POU2F2: variants seen among roughly 807,000 people sequenced by gnomAD.
POU2F2 encodes the protein POU class 2 homeobox 2, also known as POU domain, class 2, transcription factor 2.
A neutral mutation model predicts 63.5 loss-of-function variants in POU2F2; 14 were observed. The observed-to-expected ratio is 0.22, with a 90% CI of 0.15 to 0.34. The LOEUF (loss-of-function observed/expected upper bound fraction) is 0.34. Among genes scored for constraint, POU2F2 ranks in the 10% least tolerant of loss-of-function variants. POU2F2 has a pLI of 1.00. For synonymous variants in POU2F2, 306 were observed against 348.6 expected (o/e 0.88, Z 1.36); for missense variants, 607 against 815.2 (o/e 0.74, Z 3.11).
chr19:42,192,434 G>A (rs867534873), intron 1 of POU2F2, among the ~76,000 whole-genome samples: 1 of 152,266 alleles, frequency 6.6e-6, no homozygotes, highest in Middle Eastern at 3.4e-3. Context: ...TATCAAGGGT[G>A]GGGTTGGATC....
chr19:42,161,333 G>A (rs925012781), intron 1 of POU2F2, among the ~76,000 whole-genome samples: 4 of 152,132 alleles, frequency 2.6e-5, no homozygotes, highest in South Asian at 2.1e-4. Context: ...CAAGTGCCTG[G>A]TCCAAGCAGC....
intron 2 of POU2F2, among the ~76,000 whole-genome samples, chr19:42,139,215 G>A (rs1314808980): frequency 6.6e-6 from 1 of 152,184 alleles, no homozygotes; most frequent in Non-Finnish European, 1.5e-5. Context: ...AGCTACTTGA[G>A]AAACTGAGGC....
chr19:42,177,815 G>C (rs1219973121), upstream of POU2F2, among the ~76,000 whole-genome samples: 1 of 152,084 alleles, frequency 6.6e-6, no homozygotes, highest in Non-Finnish European at 1.5e-5. Context: ...GAGACACCCA[G>C]AGATAGAGAC....
chr19:42,087,087 T>G lies in POU2F2; in HGVS notation c.*4170A>C, dbSNP rs900935680. On this transcript the variant is annotated 3_prime_UTR_variant, in exon 15 of 15. Transcript: ENST00000692977. ...ATTTTTTTTTATTTTTATTTTTAAT[T>G]TTTTTTCACTTTTTTTCCAACATAT... 2 of 151,450 alleles carry G rather than the reference T, an allele frequency of 1.3e-5. No homozygotes were observed. The highest frequency in any genetic ancestry group is 4.8e-5 in the African/African-American group (2 of 41,364). 9.4% of individuals were successfully genotyped at this position (151,450 alleles called of 1,614,324 possible).
At chr19:42,177,332 C>G (rs905408618), upstream of POU2F2, 1 of 152,994 alleles carries the variant, frequency 6.5e-6, no homozygotes, top group African/African-American at 2.4e-5. Context: ...CCTGAGCTGC[C>G]GGCGCGAGCC....
chr19:42,136,032 C>T (rs934405074), upstream of POU2F2, among the ~76,000 whole-genome samples: 1 of 151,794 alleles, frequency 6.6e-6, no homozygotes, highest in Non-Finnish European at 1.5e-5. Context: ...CTGCTTTGCC[C>T]TCTAGACCCG....
intron 1 of POU2F2, among the ~76,000 whole-genome samples, chr19:42,195,051 AAGGGAGGG>A (rs1205793170): frequency 1.8e-4 from 5 of 27,792 alleles, no homozygotes; most frequent in Non-Finnish European, 2.8e-4. Context: ...GGGAGGAAGG[AAGGGAGGG>A]AGGGAGGGAG....
intron 5 of POU2F2, among the ~76,000 whole-genome samples, chr19:42,114,767 G>A (rs2031627333): frequency 6.6e-6 from 1 of 152,208 alleles, no homozygotes; most frequent in Non-Finnish European, 1.5e-5. Context: ...GGAGCAAAGA[G>A]GCCATCACTG....
At chr19:42,145,247 C>G (rs2034206631) in intron 2 of POU2F2, among the ~76,000 whole-genome samples, 1 of 152,150 alleles carries the variant, frequency 6.6e-6, no homozygotes, top group South Asian at 2.1e-4. Flanking sequence ...TTTCAGTATT[C>G]CTTCGTTCTT....
intron 13 of POU2F2, 39 bp from the exon 14 acceptor site, chr19:42,091,979 A>T: frequency 6.5e-7 from 1 of 1,535,432 alleles, no homozygotes. Context: ...AGGGGCAGGG[A>T]CCTGCCAACA....
At chr19:42,134,881 G>A (rs188414744), upstream of POU2F2, among the ~76,000 whole-genome samples, 278 of 152,206 alleles carry the variant, frequency 1.8e-3, 3 homozygotes, top group Middle Eastern at 3.4e-3. Flanking sequence ...GTACGCGGCC[G>A]GCGAGTCGAT....
intron 1 of POU2F2, among the ~76,000 whole-genome samples, chr19:42,128,520 A>T (rs534610695): frequency 6.6e-6 from 1 of 151,468 alleles, no homozygotes; most frequent in Non-Finnish European, 1.5e-5. Flanking sequence ...TTCTCTTTCC[A>T]CCTCCCCTGT....
chr19:42,099,911 C>A, intron 5 of POU2F2, 90 bp from the exon 6 acceptor site: 1 of 1,041,558 alleles, frequency 9.6e-7, no homozygotes, highest in South Asian at 1.4e-5. Flanking sequence ...GGGGCTGAAA[C>A]CAGGAAGCTG....
chr19:42,138,137 C>T (rs370862908), intron 2 of POU2F2, among the ~76,000 whole-genome samples: 11 of 152,038 alleles, frequency 7.2e-5, no homozygotes, highest in African/African-American at 2.7e-4. Context: ...CTTTGGAGGC[C>T]GCAGTGAAGA....
At chr19:42,183,200 T>C (rs1382782257) in intron 1 of POU2F2, among the ~76,000 whole-genome samples, 6 of 152,090 alleles carry the variant, frequency 3.9e-5, no homozygotes, top group Non-Finnish European at 8.8e-5. Flanking sequence ...AAGAAACAAA[T>C]GCAAATGAGA....
chr19:42,151,213 C>G (rs543679428), intron 2 of POU2F2, among the ~76,000 whole-genome samples: 2 of 152,236 alleles, frequency 1.3e-5, no homozygotes, highest in South Asian at 2.1e-4. Context: ...TTCCCCTCCC[C>G]CTTCCTAACA....
chr19:42,161,836 C>T (rs937960818), intron 1 of POU2F2, among the ~76,000 whole-genome samples: 5 of 152,176 alleles, frequency 3.3e-5, no homozygotes, highest in Admixed American at 6.5e-5. Context: ...GCTGCTTCCC[C>T]CCAGCCCCCG....
At chr19:42,195,593 A>T (rs867528776) in intron 1 of POU2F2, among the ~76,000 whole-genome samples, 3 of 151,192 alleles carry the variant, frequency 2.0e-5, no homozygotes, top group African/African-American at 4.9e-5. Context: ...CAGCCTCTCA[A>T]AGTGCTAGGA....
intron 1 of POU2F2, among the ~76,000 whole-genome samples, chr19:42,170,153 C>A (rs1007432361): frequency 2.0e-5 from 3 of 152,064 alleles, no homozygotes; most frequent in Non-Finnish European, 4.4e-5. Flanking sequence ...TGTGTGACCC[C>A]CCTCCAGAGG....
Sources: gnomAD v4.1 joint callset for allele counts (sites outside exome capture counted in the v4.1 genomes callset) on GRCh38, gnomAD v4.1.1 for gene constraint, MANE v1.5 for transcripts, NCBI Gene and HGNC (gene_info 2026-07-23, HGNC 2026-07-21) for gene names.